EDNRB: variants seen among roughly 807,000 people sequenced by gnomAD.
The protein encoded by EDNRB is Hirschsprung disease 2.
EDNRB carries 18 observed loss-of-function variants against 46.4 expected under a neutral mutation model. That is an observed-to-expected ratio of 0.39 (90% confidence interval 0.27 to 0.57). EDNRB has a LOEUF of 0.57. EDNRB is among the 20% of genes least tolerant of loss of function. The probability of loss-of-function intolerance (pLI) is 0.61; values close to 1 mark genes in which losing one functional copy is unlikely to be tolerated. For missense variants in EDNRB, 434 were observed against 537.5 expected (o/e 0.81, Z 1.90); for synonymous variants, 213 against 204.9 (o/e 1.04, Z -0.34).
intron 1 of EDNRB, among the ~76,000 whole-genome samples, chr13:77,969,410 C>A (rs754963869): frequency 6.6e-6 from 1 of 152,126 alleles, no homozygotes; most frequent in East Asian, 1.9e-4. Flanking sequence ...GCTGTTATAA[C>A]GACAGGAGTG....
At chr13:77,951,860 T>C (rs746814243) in intron 1 of EDNRB, among the ~76,000 whole-genome samples, 2 of 152,166 alleles carry the variant, frequency 1.3e-5, no homozygotes, top group Non-Finnish European at 2.9e-5. Flanking sequence ...TCCCATTCTT[T>C]ACTCAAGTAT....
intron 1 of EDNRB, among the ~76,000 whole-genome samples, chr13:77,910,251 A>G (rs1392955993): frequency 6.6e-6 from 1 of 152,044 alleles, no homozygotes; most frequent in African/African-American, 2.4e-5. Flanking sequence ...ATCCTGTGAT[A>G]AGTTGTGAAC....
chr13:77,963,835 C>A (rs1881498816), intron 1 of EDNRB, among the ~76,000 whole-genome samples: 1 of 152,240 alleles, frequency 6.6e-6, no homozygotes, highest in Non-Finnish European at 1.5e-5. Flanking sequence ...AAACAGGCAA[C>A]CTACAGAATG....
Position 77,895,757 on chromosome 13 carries a change from ATTACACT to A in EDNRB, c.*2436_*2442del. 1 of 152,168 alleles carries A rather than the reference ATTACACT, an allele frequency of 6.6e-6. No homozygotes were observed. Among genetic ancestry groups the A allele is most frequent in the African/African-American group, 2.4e-5 (1 of 41,562 alleles). The allele number at this position is 152,168 out of a possible 1,614,324, so 9.4% of individuals were successfully genotyped here. A position where few individuals can be genotyped will look rare whatever the true frequency, so the allele number is the denominator to read the frequency against. ...GATATATAATTTTTTACATTGTTAT[ATTACACT>A]TTTATAAAGTTAGCTACAGCATACC... is the stretch of plus-strand genomic sequence containing the variant. On this transcript the variant is annotated 3_prime_UTR_variant, in exon 7 of 7. Transcript: ENST00000646607.
At chr13:77,975,191 A>G (rs1217396192) in intron 1 of EDNRB, among the ~76,000 whole-genome samples, 1 of 152,318 alleles carries the variant, frequency 6.6e-6, no homozygotes, top group Admixed American at 6.5e-5. Flanking sequence ...CTTCCACTCA[A>G]ATGGAGTAGG....
intron 1 of EDNRB, among the ~76,000 whole-genome samples, chr13:77,959,196 G>T (rs554865884): frequency 2.0e-5 from 3 of 152,256 alleles, no homozygotes; most frequent in African/African-American, 4.8e-5. Context: ...GAGAGTAGTG[G>T]TTCTCCCAGC....
At chr13:77,908,426 C>CA (rs11359758) in intron 1 of EDNRB, among the ~76,000 whole-genome samples, 17 of 124,180 alleles carry the variant, frequency 1.4e-4, no homozygotes, top group African/African-American at 4.4e-4. Context: ...GAAGTTTTGC[C>CA]AAAAAAAAAA....
upstream of EDNRB, chr13:77,919,659 C>T (rs1353654305): frequency 6.5e-7 from 1 of 1,537,868 alleles, no homozygotes; most frequent in Admixed American, 1.9e-5. Flanking sequence ...CCCGCGCCTT[C>T]CGACCCCGCT....
Position 77,898,153 on chromosome 13 carries a change from C to T in EDNRB, c.*47G>A. 6.2e-7 allele frequency: 1 copy of T among 1,601,114 alleles called. No homozygotes were observed. The highest frequency in any genetic ancestry group is 2.2e-5 in the East Asian group (1 of 44,466). On this transcript the variant is annotated 3_prime_UTR_variant, in exon 7 of 7. Transcript: ENST00000646607. ...CAAATGTTTCATTTTGTTTTAATGA[C>T]TTCGGTCCAATATAAAGAAAATGAA...
At chr13:77,913,287 G>C (rs184218408) in intron 1 of EDNRB, among the ~76,000 whole-genome samples, 1 of 152,044 alleles carries the variant, frequency 6.6e-6, no homozygotes, top group Non-Finnish European at 1.5e-5. Flanking sequence ...CTAGTTAAAC[G>C]TTAAAGATCA....
At chr13:77,900,060 G>T (rs1169586501) in intron 5 of EDNRB, 93 bp from the exon 6 acceptor site, 3 of 1,015,844 alleles carry the variant, frequency 3.0e-6, no homozygotes, top group African/African-American at 3.2e-5. Flanking sequence ...GAAAAAAAAT[G>T]CCAATATACA....
rs574629220 is a variant in EDNRB at position 77,911,384 on chromosome 13, C to G, written c.483+6707G>C. On this transcript the variant is annotated intron_variant, in intron 1 of 6. Transcript: ENST00000646607. The stretch of plus-strand genomic sequence containing the variant: ...GCTGTGATCAGAAAATGTCTGATTA[C>G]TATGGAATCTGAAAGCTCATTAAAA... 4.6e-5 allele frequency among the ~76,000 whole-genome samples: 7 copies of G among 152,138 alleles called. No individual in the cohort carries two copies. The South Asian group carries it at 1.2e-3, about 27-fold the overall frequency.
At chr13:77,935,459 A>C (rs1191819073) in intron 1 of EDNRB, among the ~76,000 whole-genome samples, 7 of 152,146 alleles carry the variant, frequency 4.6e-5, no homozygotes, top group African/African-American at 1.4e-4. Context: ...TCTTTTTGTG[A>C]GTTTATATAA....
At position 77,946,862 on chromosome 13, in the gene EDNRB, A is replaced by T. The variant is rs570820388; in HGVS notation, c.-51-28238T>A. Among the ~76,000 whole-genome samples the T allele has an allele frequency of 9.8e-5, 15 of 152,334 alleles. No homozygotes were observed. In the South Asian group the frequency reaches 2.7e-3, roughly 27 times the overall value. Reference sequence around the variant, plus strand: ...GTTATTTCCATAAAAATCACCCTAGACAGTTTCAAGTTTATACAAATGATT... The same window carrying T: ...GTTATTTCCATAAAAATCACCCTAGTCAGTTTCAAGTTTATACAAATGATT... On this transcript the variant is annotated intron_variant, in intron 1 of 7. Coordinates refer to the EDNRB transcript ENST00000646948.
chr13:77,954,244 A>G (rs1594394650), intron 1 of EDNRB, among the ~76,000 whole-genome samples: 2 of 152,104 alleles, frequency 1.3e-5, no homozygotes, highest in Non-Finnish European at 1.5e-5. Flanking sequence ...TTTATTTCCT[A>G]TATCTGTAAA....
upstream of EDNRB, chr13:77,919,660 C>G: frequency 6.5e-7 from 1 of 1,533,102 alleles, no homozygotes; most frequent in Non-Finnish European, 8.8e-7. Context: ...CCGCGCCTTC[C>G]GACCCCGCTG....
intron 1 of EDNRB, among the ~76,000 whole-genome samples, chr13:77,960,605 G>A (rs1427019539): frequency 6.6e-6 from 1 of 152,130 alleles, no homozygotes; most frequent in Non-Finnish European, 1.5e-5. Flanking sequence ...AAAGACCATC[G>A]ATGCTAGGAA....
intron 1 of EDNRB, chr13:77,944,996 G>T (rs1003032593): frequency 6.6e-6 from 1 of 152,172 alleles, no homozygotes; most frequent in Non-Finnish European, 1.5e-5. Flanking sequence ...AAATTTCCAA[G>T]TGTGAAATCT....
chr13:77,922,078 A>T (rs1183002318), upstream of EDNRB, among the ~76,000 whole-genome samples: 1 of 152,178 alleles, frequency 6.6e-6, no homozygotes, highest in Admixed American at 6.5e-5. Flanking sequence ...AATTTTAAGA[A>T]TTCCTACCTG....
Sources: allele counts gnomAD v4.1 joint callset (sites outside exome capture counted in the v4.1 genomes callset), GRCh38; gene constraint gnomAD v4.1.1; transcripts MANE v1.5; gene names NCBI Gene and HGNC (gene_info 2026-07-23, HGNC 2026-07-21).